Variants in PDE4D observed in about 807,000 individuals in gnomAD.
PDE4D encodes the protein phosphodiesterase 4D.
PDE4D carries 24 observed loss-of-function variants against 87.4 expected under a neutral mutation model. The observed-to-expected ratio is 0.27, with a 90% CI of 0.20 to 0.39. The LOEUF (loss-of-function observed/expected upper bound fraction) is 0.39. PDE4D is among the 10% of genes least tolerant of loss of function. The pLI, the probability that PDE4D is intolerant of heterozygous loss-of-function variation, is 1.00. For missense variants in PDE4D, 714 were observed against 1,041.0 expected, an observed-to-expected ratio of 0.69 and a Z score of 4.32; for synonymous variants, 384 against 383.2, an observed-to-expected ratio of 1.00 and a Z score of -0.02.
intron 3 of PDE4D, among the ~76,000 whole-genome samples, chr5:59,916,421 CAAA>C (rs1172822894): frequency 6.6e-6 from 1 of 151,614 alleles, no homozygotes; most frequent in African/African-American, 2.4e-5. Flanking sequence ...TCATGCAAAA[CAAA>C]AAAAAGTCCC....
intron 1 of PDE4D, among the ~76,000 whole-genome samples, chr5:59,701,926 C>A (rs751797075): frequency 1.3e-5 from 2 of 152,050 alleles, no homozygotes; most frequent in Non-Finnish European, 2.9e-5. Flanking sequence ...CAGAGAGTGG[C>A]ATAAAGGTGT....
At chr5:60,016,142 A>G (rs1765497242) in intron 2 of PDE4D, among the ~76,000 whole-genome samples, 1 of 152,124 alleles carries the variant, frequency 6.6e-6, no homozygotes, top group Non-Finnish European at 1.5e-5. Flanking sequence ...ACTGCAATAA[A>G]GCAAATATTG....
At chr5:59,766,490 C>T (rs535320894) in intron 1 of PDE4D, among the ~76,000 whole-genome samples, 1 of 152,330 alleles carries the variant, frequency 6.6e-6, no homozygotes, top group African/African-American at 2.4e-5. Context: ...TACATCCCGA[C>T]ATGTCTAAAT....
intron 1 of PDE4D, among the ~76,000 whole-genome samples, chr5:59,707,564 A>G (rs1371576562): frequency 6.6e-6 from 1 of 152,032 alleles, no homozygotes; most frequent in East Asian, 1.9e-4. Context: ...GGTTTGTTAC[A>G]TAGGTAGATG....
intron 1 of PDE4D, among the ~76,000 whole-genome samples, chr5:59,655,156 T>A (rs1409738886): frequency 6.6e-6 from 1 of 151,998 alleles, no homozygotes; most frequent in Non-Finnish European, 1.5e-5. Context: ...AAAAAAAAAA[T>A]TCTCTGAAAA....
intron 1 of PDE4D, among the ~76,000 whole-genome samples, chr5:59,724,606 C>T (rs906915943): frequency 6.6e-6 from 1 of 152,072 alleles, no homozygotes; most frequent in African/African-American, 2.4e-5. Flanking sequence ...ATTATGAAGT[C>T]ACGATGCCAG....
At chr5:59,015,515 G>A (rs78404976) in intron 6 of PDE4D, among the ~76,000 whole-genome samples, 13,777 of 149,002 alleles carry the variant, frequency 0.092, 882 homozygotes, top group Non-Finnish European at 0.12. Flanking sequence ...CAACAGACAC[G>A]TGAAAAAATG....
At chr5:60,259,941 A>G (rs969264205) in intron 1 of PDE4D, among the ~76,000 whole-genome samples, 10 of 152,036 alleles carry the variant, frequency 6.6e-5, no homozygotes, top group African/African-American at 2.4e-4. Flanking sequence ...GGTTAGCGGC[A>G]CTAAAGCATT....
At chr5:59,945,651 C>T (rs1054549555) in intron 3 of PDE4D, among the ~76,000 whole-genome samples, 4 of 152,122 alleles carry the variant, frequency 2.6e-5, no homozygotes, top group Non-Finnish European at 2.9e-5. Context: ...CTAACATTTG[C>T]GTGTCATAGG....
intron 1 of PDE4D, among the ~76,000 whole-genome samples, chr5:59,336,478 T>G (rs1036956966): frequency 6.6e-5 from 10 of 152,198 alleles, no homozygotes; most frequent in Non-Finnish European, 1.5e-4. Context: ...TAGCCATGGT[T>G]GTTGTTGTTA....
At chr5:59,910,111 T>C (rs1175339766) in intron 3 of PDE4D, among the ~76,000 whole-genome samples, 2 of 152,178 alleles carry the variant, frequency 1.3e-5, no homozygotes, top group African/African-American at 4.8e-5. Flanking sequence ...GCTCATCTAC[T>C]TTATTGTTGC....
At chr5:59,779,030 G>A (rs1764348567) in intron 1 of PDE4D, among the ~76,000 whole-genome samples, 1 of 152,002 alleles carries the variant, frequency 6.6e-6, no homozygotes, top group Admixed American at 6.6e-5. Context: ...GGGCATGGTG[G>A]CACATGCTGT....
intron 1 of PDE4D, among the ~76,000 whole-genome samples, chr5:60,425,948 G>C (rs1322706188): frequency 1.3e-5 from 2 of 152,168 alleles, no homozygotes; most frequent in Non-Finnish European, 2.9e-5. Flanking sequence ...CATCATCACT[G>C]GTCATCAGAG....
chr5:59,314,898 A>C (rs1229673666), intron 1 of PDE4D: 1 of 151,882 alleles, frequency 6.6e-6, no homozygotes, highest in Non-Finnish European at 1.5e-5. Flanking sequence ...CAGGTGATAG[A>C]TGCAGGAGGC....
intron 2 of PDE4D, among the ~76,000 whole-genome samples, chr5:60,106,350 T>G (rs973671045): frequency 4.6e-5 from 7 of 151,440 alleles, no homozygotes; most frequent in Admixed American, 1.3e-4. Flanking sequence ...GCACCCAGAT[T>G]CATAAAGCAA....
chr5:60,050,323 T>G (rs1347895138), intron 2 of PDE4D, among the ~76,000 whole-genome samples: 1 of 152,164 alleles, frequency 6.6e-6, no homozygotes. Flanking sequence ...ATCACCCGTC[T>G]TCTGTGACGC....
chr5:59,649,007 G>T (rs1393046389), intron 1 of PDE4D, among the ~76,000 whole-genome samples: 1 of 152,146 alleles, frequency 6.6e-6, no homozygotes, highest in East Asian at 1.9e-4. Context: ...TAGGAAGTTG[G>T]ATTCTTATAT....
At chr5:60,505,855 C>G (rs1750297233) in intron 1 of PDE4D, among the ~76,000 whole-genome samples, 1 of 152,192 alleles carries the variant, frequency 6.6e-6, no homozygotes, top group Non-Finnish European at 1.5e-5. Flanking sequence ...AAATCGAGAT[C>G]CACCATCTTA....
chr5:60,048,415 T>C (rs1037337594), intron 2 of PDE4D, among the ~76,000 whole-genome samples: 2 of 152,172 alleles, frequency 1.3e-5, no homozygotes, highest in East Asian at 3.9e-4. Flanking sequence ...ATTACGATGT[T>C]AGCTGGCTAT....
Sources: allele counts gnomAD v4.1 joint callset (sites outside exome capture counted in the v4.1 genomes callset), GRCh38; gene constraint gnomAD v4.1.1; transcripts MANE v1.5; gene names NCBI Gene and HGNC (gene_info 2026-07-23, HGNC 2026-07-21).